SLC10A6: variants seen among roughly 807,000 people sequenced by gnomAD.
The protein encoded by SLC10A6 is sodium-dependent organic anion transporter.
Under a neutral mutation model 30.0 loss-of-function variants are expected in SLC10A6, and 27 were observed. The observed-to-expected ratio is 0.90, with a 90% CI of 0.66 to 1.24. The LOEUF (loss-of-function observed/expected upper bound fraction) is 1.24, where lower values mean the gene tolerates loss of function less well. Ranked by LOEUF, SLC10A6 falls within the 50% of genes most tolerant of loss-of-function variation. The pLI is 0.00. For synonymous variants in SLC10A6, 166 were observed against 173.8 expected (o/e 0.95, Z 0.36); for missense variants, 439 against 457.0 (o/e 0.96, Z 0.36).
chr4:86,845,372 G>A (rs568600731), intron 1 of SLC10A6, among the ~76,000 whole-genome samples: 1 of 152,314 alleles, frequency 6.6e-6, no homozygotes, highest in South Asian at 2.1e-4. Context: ...TTCTTAAGGG[G>A]ACTAGTGGAA....
At chr4:86,845,945 T>G (rs1476195323) in intron 1 of SLC10A6, among the ~76,000 whole-genome samples, 1 of 152,196 alleles carries the variant, frequency 6.6e-6, no homozygotes, top group East Asian at 1.9e-4. Flanking sequence ...GAACTGCAAG[T>G]GCACTGCATG....
At position 86,829,741 on chromosome 4, in the gene SLC10A6, G is replaced by GT. The variant is rs771242691; in HGVS notation, c.586-1574dup. On this transcript the variant is annotated intron_variant, in intron 3 of 5. Coordinates refer to ENST00000273905, the MANE Select transcript of SLC10A6 (RefSeq NM_197965.3). Reference sequence around the variant, plus strand: ...CTAAAATAATGATTACATTAGCCTAGTTTTTTTTTTTTACTAAGGTAGTCT... The same window carrying GT: ...CTAAAATAATGATTACATTAGCCTAGTTTTTTTTTTTTTACTAAGGTAGTCT... Among the ~76,000 whole-genome samples the GT allele has an allele frequency of 4.2e-3, 613 of 145,192 alleles. 2 individuals carry two copies. The highest frequency in any genetic ancestry group is 8.6e-3 in the African/African-American group (342 of 39,756).
intron 1 of SLC10A6, among the ~76,000 whole-genome samples, chr4:86,839,373 C>G (rs1746253244): frequency 6.6e-6 from 1 of 151,926 alleles, no homozygotes; most frequent in Non-Finnish European, 1.5e-5. Flanking sequence ...ATGGCTTGAG[C>G]TCAGGAGTTT....
chr4:86,832,068 C>T (rs144488270), intron 2 of SLC10A6, among the ~76,000 whole-genome samples, 188 bp from the exon 3 acceptor site: 48 of 152,274 alleles, frequency 3.2e-4, no homozygotes, highest in Admixed American at 7.8e-4. Flanking sequence ...CATTTTGCGT[C>T]TTGTGAGTGC....
intron 1 of SLC10A6, among the ~76,000 whole-genome samples, chr4:86,841,463 G>A (rs1457297827): frequency 3.3e-5 from 5 of 152,148 alleles, no homozygotes; most frequent in Admixed American, 2.6e-4. Flanking sequence ...CAGAGGATGT[G>A]GCTAAGTAAG....
At chr4:86,832,850 T>A (rs913608420) in intron 2 of SLC10A6, among the ~76,000 whole-genome samples, 1 of 152,112 alleles carries the variant, frequency 6.6e-6, no homozygotes, top group Non-Finnish European at 1.5e-5. Context: ...AAAGTCAAGG[T>A]TCGCAGGCAA....
intron 1 of SLC10A6, among the ~76,000 whole-genome samples, chr4:86,840,461 T>G (rs1311227763): frequency 6.6e-6 from 1 of 152,212 alleles, no homozygotes; most frequent in African/African-American, 2.4e-5. Flanking sequence ...TTTAATGGCT[T>G]CTGAGTTTCT....
At chr4:86,836,329 A>T (rs187343592) in intron 1 of SLC10A6, among the ~76,000 whole-genome samples, 1 of 152,342 alleles carries the variant, frequency 6.6e-6, no homozygotes, top group East Asian at 1.9e-4. Context: ...GTGTATCGTG[A>T]TTACTGCTAT....
intron 1 of SLC10A6, among the ~76,000 whole-genome samples, chr4:86,838,183 G>T (rs954697178): frequency 6.6e-6 from 1 of 152,212 alleles, no homozygotes; most frequent in Non-Finnish European, 1.5e-5. Flanking sequence ...ACCACAGAGG[G>T]TGTCTGGCAA....
At chr4:86,840,082 T>G (rs1560461224) in intron 1 of SLC10A6, among the ~76,000 whole-genome samples, 1 of 151,506 alleles carries the variant, frequency 6.6e-6, no homozygotes. Flanking sequence ...GCTAATTTTT[T>G]TTTTTTTTTT....
Position 86,849,183 on chromosome 4 carries a change from C to A in SLC10A6, c.-68G>T. On this transcript the variant is annotated 5_prime_UTR_variant, in exon 1 of 6. Transcript: ENST00000273905. ...ACAATGGCTGGGCAGGTCTATCCTG[C>A]CACATTTTGTAATAGTGCAACGAAG... is the stretch of plus-strand genomic sequence containing the variant. 6.6e-7 allele frequency: 1 copy of A among 1,524,316 alleles called. No individual in the cohort carries two copies. Among genetic ancestry groups the A allele is most frequent in the Non-Finnish European group, 8.8e-7 (1 of 1,136,036 alleles). 94.4% of individuals were successfully genotyped at this position (1,524,316 alleles called of 1,614,324 possible). A position where few individuals can be genotyped will look rare whatever the true frequency, so the allele number is the denominator to read the frequency against.
At chr4:86,845,028 C>A (rs1227798753) in intron 1 of SLC10A6, among the ~76,000 whole-genome samples, 3 of 152,150 alleles carry the variant, frequency 2.0e-5, no homozygotes, top group African/African-American at 7.2e-5. Context: ...ACGGGAATTA[C>A]AATTCGAGAT....
At chr4:86,842,722 G>A (rs1287504965) in intron 1 of SLC10A6, among the ~76,000 whole-genome samples, 8 of 147,074 alleles carry the variant, frequency 5.4e-5, no homozygotes, top group Non-Finnish European at 9.0e-5. Flanking sequence ...GAAAAGAAAA[G>A]AAAAGAAAAG....
chr4:86,825,519 G>T lies in SLC10A6; in HGVS notation c.820C>A (p.Leu274Ile). Residue 274 changes from leucine (L) to isoleucine (I), a missense_variant, in exon 5 of 6, where the codon CTC becomes ATC. Coordinates refer to ENST00000273905, the MANE Select transcript of SLC10A6 (RefSeq NM_197965.3). ...TGCTCAGCAGTGAAAGATAACTGGA[G>T]CATGGTGATGCACATCTGAATATTC... is the stretch of plus-strand genomic sequence containing the variant. ...AQNIQMCITMLQLSFTAEHLV... is the reference protein window; with the variant it reads ...AQNIQMCITMIQLSFTAEHLV... 1 of 1,612,650 alleles carries T rather than the reference G, an allele frequency of 6.2e-7. No individual in the cohort carries two copies. The highest frequency in any genetic ancestry group is 8.5e-7 in the Non-Finnish European group (1 of 1,178,808).
At chr4:86,831,410 C>T (rs1746079056) in intron 3 of SLC10A6, among the ~76,000 whole-genome samples, 1 of 152,208 alleles carries the variant, frequency 6.6e-6, no homozygotes, top group African/African-American at 2.4e-5. Flanking sequence ...AAGAAACCAG[C>T]CATATTACTA....
intron 1 of SLC10A6, among the ~76,000 whole-genome samples, chr4:86,844,793 GGT>G (rs1746366063): frequency 6.6e-6 from 1 of 152,200 alleles, no homozygotes; most frequent in African/African-American, 2.4e-5. Flanking sequence ...AGTTCCACAT[GGT>G]TGGGGAGGTC....
chr4:86,844,930 C>A (rs1371219854), intron 1 of SLC10A6, among the ~76,000 whole-genome samples: 1 of 152,110 alleles, frequency 6.6e-6, no homozygotes, highest in Non-Finnish European at 1.5e-5. Flanking sequence ...CACTCACTAT[C>A]ATTAGAACAG....
At chr4:86,847,124 C>T (rs1221032990) in intron 1 of SLC10A6, among the ~76,000 whole-genome samples, 2 of 152,108 alleles carry the variant, frequency 1.3e-5, no homozygotes, top group Non-Finnish European at 2.9e-5. Context: ...TGATGTAAAA[C>T]AGATGAGAAT....
At position 86,845,768 on chromosome 4, in the gene SLC10A6, G is replaced by A. The variant is rs116365696; in HGVS notation, c.377+2971C>T. Among the ~76,000 whole-genome samples the A allele has an allele frequency of 6.0e-3, 918 of 152,294 alleles. 7 individuals carry two copies. The highest frequency in any genetic ancestry group is 0.017 in the Middle Eastern group (5 of 294). ...AGGAAGGGCTACAGGGCTTGGCAGTGGATTGAGTGGCCATGGCGAGAATGA... is the reference window on the plus strand; with the variant it reads ...AGGAAGGGCTACAGGGCTTGGCAGTAGATTGAGTGGCCATGGCGAGAATGA... On this transcript the variant is annotated intron_variant, in intron 1 of 5. Transcript: ENST00000273905.
Sources: allele counts gnomAD v4.1 joint callset (sites outside exome capture counted in the v4.1 genomes callset), GRCh38; gene constraint gnomAD v4.1.1; transcripts MANE v1.5; gene names NCBI Gene and HGNC (gene_info 2026-07-23, HGNC 2026-07-21).